Variants in TPPP observed in about 807,000 individuals in gnomAD.
TPPP encodes tubulin polymerization-promoting protein.
Under a neutral mutation model 15.5 loss-of-function variants are expected in TPPP, and 6 were observed. The observed-to-expected ratio is 0.39, with a 90% CI of 0.21 to 0.77. The LOEUF is 0.77. Among genes scored for constraint, TPPP ranks in the 30% least tolerant of loss-of-function variants. TPPP has a pLI of 0.42. For missense variants in TPPP, 269 were observed against 307.2 expected, an observed-to-expected ratio of 0.88 and a Z score of 0.93; for synonymous variants, 146 against 133.9, an observed-to-expected ratio of 1.09 and a Z score of -0.63.
intron 2 of TPPP, among the ~76,000 whole-genome samples, chr5:671,671 A>G (rs1337960597): frequency 6.6e-6 from 1 of 152,170 alleles, no homozygotes; most frequent in Admixed American, 6.5e-5. Flanking sequence ...AAGCTCCTGA[A>G]CCCTCAGCCA....
chr5:688,681 G>A (rs1278066230), intron 1 of TPPP, among the ~76,000 whole-genome samples: 1 of 141,288 alleles, frequency 7.1e-6, no homozygotes, highest in Admixed American at 7.1e-5. Context: ...AACAAGCCTG[G>A]TGGGAGGTGA....
rs570878136 is a variant in TPPP, at chr5:677,972, C to A, written c.89G>T (p.Arg30Met). ...AGCACCCTCCGATTCCAGCGACAGC[C>A]TCTTGGCTGCCCGGTCCTTCGAGGG... The part of the protein sequence containing the change: ...GDPSKDRAAK[R>M]LSLESEGAGE... Residue 30 changes from arginine to methionine, a missense_variant, in exon 2 of 4, where the codon AGG becomes ATG. Transcript: ENST00000360578. The A allele has an allele frequency of 6.2e-7, 1 of 1,602,626 alleles. No individual in the cohort carries two copies. Among genetic ancestry groups the A allele is most frequent in the South Asian group, 1.1e-5 (1 of 90,266 alleles).
chr5:694,030 G>A (rs188206810), upstream of TPPP, among the ~76,000 whole-genome samples: 74,338 of 121,912 alleles, frequency 0.61, 20,089 homozygotes, highest in Non-Finnish European at 0.69. Context: ...AGGAGTGGAG[G>A]AGCGGAGCGC....
At chr5:686,694 G>A (rs1414659833) in intron 1 of TPPP, among the ~76,000 whole-genome samples, 1 of 147,364 alleles carries the variant, frequency 6.8e-6, no homozygotes, top group East Asian at 1.9e-4. Context: ...CCAATGGTGA[G>A]TGTCTCTACC....
chr5:691,821 A>G, intron 1 of TPPP, among the ~76,000 whole-genome samples: 2 of 72,808 alleles, frequency 2.7e-5, no homozygotes, highest in Admixed American at 1.6e-4. Flanking sequence ...GCAGCCCTCA[A>G]CCCCCATCAA....
In TPPP at chr5:661,577, A is replaced by C. The variant is rs2126852602; in HGVS notation, c.*3525T>G. ...AGAAGCTAATTGGCAGTGCATAAAA[A>C]CATGCAGAAGAGAACACACACCTGC... On this transcript the variant is annotated 3_prime_UTR_variant, in exon 4 of 4. Transcript: ENST00000360578. 1 of 152,562 alleles carries C rather than the reference A, an allele frequency of 6.6e-6. No individual in the cohort carries two copies. The highest frequency in any genetic ancestry group is 1.9e-4 in the East Asian group (1 of 5,328). The allele number at this position is 152,562 out of a possible 1,614,324, so 9.5% of individuals were successfully genotyped here. A position where few individuals can be genotyped will look rare whatever the true frequency, so the allele number is the denominator to read the frequency against.
chr5:665,205 C>T lies in TPPP; in HGVS notation c.557G>A (p.Gly186Asp). The T allele has an allele frequency of 6.2e-7, 1 of 1,613,922 alleles. No individual in the cohort carries two copies. Among genetic ancestry groups the T allele is most frequent in the South Asian group, 1.1e-5 (1 of 91,086 alleles). Residue 186 changes from glycine (G) to aspartate (D), a missense_variant, in exon 4 of 4, where the codon GGC becomes GAC. Transcript: ENST00000360578. ...HKERFDPSGK[G>D]KGKAGRVDLV... ...ATCCACGCGGCCAGCCTTGCCCTTG[C>T]CCTTGCCAGAGGGGTCGAAGCGCTC...
In TPPP at chr5:660,223, A is replaced by G. The variant is rs1739529346; in HGVS notation, c.*4879T>C. 6.6e-6 allele frequency: 1 copy of G among 151,326 alleles called. No individual in the cohort carries two copies. The highest frequency in any genetic ancestry group is 1.5e-5 in the Non-Finnish European group (1 of 67,882). The allele number at this position is 151,326 out of a possible 1,614,324, so 9.4% of individuals were successfully genotyped here. On this transcript the variant is annotated 3_prime_UTR_variant, in exon 4 of 4. Coordinates refer to ENST00000360578, the MANE Select transcript of TPPP (RefSeq NM_007030.3). ...ATTGCACATATATATATATATATAT[A>G]TATATAAATTTGTTTCCCTTTCTTG... is the stretch of plus-strand genomic sequence containing the variant.
intron 2 of TPPP, among the ~76,000 whole-genome samples, chr5:671,514 T>C (rs906337908): frequency 6.6e-6 from 1 of 152,242 alleles, no homozygotes; most frequent in Non-Finnish European, 1.5e-5. Context: ...CTGGTCAGGC[T>C]CATGGGGCAA....
the TPPP span, among the ~76,000 whole-genome samples, chr5:699,532 G>A: frequency 0.12 from 17,709 of 150,794 alleles, 1,369 homozygotes; most frequent in Non-Finnish European, 0.17. Context: ...GAAAACTTAG[G>A]AAAAATTCTT....
Position 660,273 on chromosome 5 carries a change from G to C in TPPP, c.*4829C>G, listed in dbSNP as rs1265813889. On this transcript the variant is annotated 3_prime_UTR_variant, in exon 4 of 4. Transcript: ENST00000360578. ...GAAAAAAACTTAGTACAAACTAGTA[G>C]TTACACGATCCCTTTCAAGTTTCTC... 2.6e-5 allele frequency: 4 copies of C among 151,312 alleles called. No individual in the cohort carries two copies. The highest frequency in any genetic ancestry group is 5.9e-5 in the Non-Finnish European group (4 of 67,884). The allele number at this position is 151,312 out of a possible 1,614,324, so 9.4% of individuals were successfully genotyped here. A position where few individuals can be genotyped will look rare whatever the true frequency, so the allele number is the denominator to read the frequency against.
chr5:668,995 C>T (rs149393649), intron 2 of TPPP, among the ~76,000 whole-genome samples: 69 of 152,360 alleles, frequency 4.5e-4, no homozygotes, highest in Middle Eastern at 3.4e-3. Flanking sequence ...ACACTTTACA[C>T]GCGTGTCCTA....
rs1385859306 is a variant in TPPP, at chr5:663,935, C to T, written c.*1167G>A. 6.6e-6 allele frequency: 1 copy of T among 152,608 alleles called. No individual in the cohort carries two copies. 9.5% of individuals were successfully genotyped at this position (152,608 alleles called of 1,614,324 possible). A position where few individuals can be genotyped will look rare whatever the true frequency, so the allele number is the denominator to read the frequency against. Reference sequence around the variant, plus strand: ...CCCCAGGAGGGAGCAGGAGCGCCGGCTTCTCCCCAGGTGCAGACAGGCAAG... The same window carrying T: ...CCCCAGGAGGGAGCAGGAGCGCCGGTTTCTCCCCAGGTGCAGACAGGCAAG... On this transcript the variant is annotated 3_prime_UTR_variant, in exon 4 of 4. Transcript: ENST00000360578.
rs1443021634 is a variant in TPPP at position 663,878 on chromosome 5, T to C, written c.*1224A>G. 6.6e-6 allele frequency: 1 copy of C among 152,324 alleles called. No homozygotes were observed. The highest frequency in any genetic ancestry group is 6.5e-5 in the Admixed American group (1 of 15,292). The allele number at this position is 152,324 out of a possible 1,614,324, so 9.4% of individuals were successfully genotyped here. On this transcript the variant is annotated 3_prime_UTR_variant, in exon 4 of 4. Transcript: ENST00000360578. ...GCCAAGGGACAGTGGCAGTGTGCCATTGTGACAGCGGGTGGCCACACCCGT... is the reference window on the plus strand; with the variant it reads ...GCCAAGGGACAGTGGCAGTGTGCCACTGTGACAGCGGGTGGCCACACCCGT...
At chr5:695,738 G>A, upstream of TPPP, among the ~76,000 whole-genome samples, 1 of 151,442 alleles carries the variant, frequency 6.6e-6, no homozygotes, top group Non-Finnish European at 1.5e-5. Flanking sequence ...CCTGTCACTG[G>A]ATTTAAGGGC....
chr5:696,424 C>T (rs1741012261), upstream of TPPP, among the ~76,000 whole-genome samples: 1 of 145,502 alleles, frequency 6.9e-6, no homozygotes, highest in Admixed American at 6.9e-5. Context: ...TCCACCCACC[C>T]CTGGCAGCTG....
rs938096121 is a variant in TPPP at position 660,253 on chromosome 5, A to C, written c.*4849T>G. 5 of 151,892 alleles carry C rather than the reference A, an allele frequency of 3.3e-5. No individual in the cohort carries two copies. Among genetic ancestry groups the C allele is most frequent in the African/African-American group, 1.2e-4 (5 of 41,284 alleles). The allele number at this position is 151,892 out of a possible 1,614,324, so 9.4% of individuals were successfully genotyped here. ...TAAATTTGTTTCCCTTTCTTGAAAA[A>C]AACTTAGTACAAACTAGTAGTTACA... On this transcript the variant is annotated 3_prime_UTR_variant, in exon 4 of 4. Transcript: ENST00000360578.
At chr5:692,261 C>A (rs1210436566) in intron 1 of TPPP, among the ~76,000 whole-genome samples, 1 of 132,652 alleles carries the variant, frequency 7.5e-6, no homozygotes, top group Non-Finnish European at 1.6e-5. Context: ...AAAACAGCAG[C>A]CTCCCAACCC....
rs560386155 is a variant in TPPP, at chr5:662,419, C to T, written c.*2683G>A. ...GGAGGCAGCGTCCTGGTGCCCAGCA[C>T]CTCTCCTCAGTGTCCCTCGTCCCCA... On this transcript the variant is annotated 3_prime_UTR_variant, in exon 4 of 4. Transcript: ENST00000360578. 1 of 152,598 alleles carries T rather than the reference C, an allele frequency of 6.6e-6. No individual in the cohort carries two copies. Among genetic ancestry groups the T allele is most frequent in the Non-Finnish European group, 1.5e-5 (1 of 68,092 alleles). 9.5% of individuals were successfully genotyped at this position (152,598 alleles called of 1,614,324 possible).
Sources: gnomAD v4.1 joint callset for allele counts (sites outside exome capture counted in the v4.1 genomes callset) on GRCh38, gnomAD v4.1.1 for gene constraint, MANE v1.5 for transcripts, NCBI Gene and HGNC (gene_info 2026-07-23, HGNC 2026-07-21) for gene names.